Variants in MLANA observed in about 807,000 individuals in gnomAD.
MLANA encodes melanoma antigen recognized by T-cells 1.
Under a neutral mutation model 15.7 loss-of-function variants are expected in MLANA, and 21 were observed. That is an observed-to-expected ratio of 1.33 (90% CI 0.95 to 1.92). MLANA has a LOEUF of 1.92. Among genes scored for constraint, MLANA ranks in the 40% most tolerant of loss-of-function variants. MLANA has a pLI of 0.00. For missense variants in MLANA, 164 were observed against 143.8 expected (o/e 1.14, Z -0.72); for synonymous variants, 56 against 51.5 (o/e 1.09, Z -0.37).
intron 1 of MLANA, among the ~76,000 whole-genome samples, chr9:5,892,019 C>T (rs2244058): frequency 0.96 from 145,803 of 152,354 alleles, 70,101 homozygotes; most frequent in Non-Finnish European, 0.99. Flanking sequence ...TGATATCCAA[C>T]AATAACTTTG....
Position 5,910,352 on chromosome 9 carries a change from C to T in MLANA, c.*1644C>T, listed in dbSNP as rs1833090503. ...AAACACAGGATAAAGAGATGTATTA[C>T]ACACATCGAAAAAAACAACATTTAA... is the stretch of plus-strand genomic sequence containing the variant. On this transcript the variant is annotated 3_prime_UTR_variant, in exon 5 of 5. Coordinates refer to ENST00000381477, the MANE Select transcript of MLANA (RefSeq NM_005511.2). 1 of 152,154 alleles carries T rather than the reference C, an allele frequency of 6.6e-6. No homozygotes were observed. The highest frequency in any genetic ancestry group is 2.1e-4 in the South Asian group (1 of 4,836). 9.4% of individuals were successfully genotyped at this position (152,154 alleles called of 1,614,324 possible).
chr9:5,894,337 C>G lies in MLANA; in HGVS notation c.77+1786C>G, dbSNP rs769587771. ...AACATAGAGACTTTAATATAAGAAG[C>G]TGGTTAAACAGGCATGGGACTGAGA... On this transcript the variant is annotated intron_variant, in intron 2 of 4. Transcript: ENST00000381477. The surrounding 1 kb of genome is among the most constrained non-coding windows in gnomAD (Gnocchi z 4.0). 6.6e-6 allele frequency among the ~76,000 whole-genome samples: 1 copy of G among 152,048 alleles called. No individual in the cohort carries two copies. Among genetic ancestry groups the G allele is most frequent in the Non-Finnish European group, 1.5e-5 (1 of 68,010 alleles).
chr9:5,897,536 T>C (rs541283959), intron 2 of MLANA, 21 bp from the exon 3 acceptor site: 5 of 1,603,678 alleles, frequency 3.1e-6, no homozygotes, highest in African/African-American at 2.7e-5. Context: ...ACAAAGTGGA[T>C]TTGTCTATCT....
At position 5,892,456 on chromosome 9, in the gene MLANA, T is replaced by G. The variant is rs1336514596; in HGVS notation, c.-19T>G. 1 of 1,609,198 alleles carries G rather than the reference T, an allele frequency of 6.2e-7. No homozygotes were observed. ...CACATGCTCCTTCTGTTAGGTGTCC[T>G]GTGCCCTGACCCTACAAGATGCCAA... On this transcript the variant is annotated 5_prime_UTR_variant, in exon 2 of 5. Transcript: ENST00000381477.
chr9:5,906,327 C>T (rs1255875753), intron 3 of MLANA, among the ~76,000 whole-genome samples: 1 of 87,360 alleles, frequency 1.1e-5, no homozygotes, highest in Non-Finnish European at 2.8e-5. Context: ...GAGACTCTGT[C>T]TCAAAAAAAA....
intron 2 of MLANA, among the ~76,000 whole-genome samples, chr9:5,893,261 G>A (rs139902825): frequency 1.3e-5 from 2 of 152,288 alleles, no homozygotes; most frequent in Non-Finnish European, 2.9e-5. Flanking sequence ...TATGTGCTGG[G>A]AGTGGGAAAG....
intron 4 of MLANA, 44 bp from the exon 5 acceptor site, chr9:5,908,594 CAT>C: frequency 6.7e-7 from 1 of 1,490,684 alleles, no homozygotes; most frequent in Non-Finnish European, 9.4e-7. Context: ...CCTAGAAACA[CAT>C]ACACTGTTGC....
At chr9:5,900,449 A>G (rs757010151) in intron 3 of MLANA, among the ~76,000 whole-genome samples, 31 of 152,356 alleles carry the variant, frequency 2.0e-4, no homozygotes, top group Middle Eastern at 3.4e-3. Flanking sequence ...CAGCAGTCTA[A>G]TAAGTTTAGG....
At chr9:5,905,558 G>T (rs556859584) in intron 3 of MLANA, among the ~76,000 whole-genome samples, 1 of 152,222 alleles carries the variant, frequency 6.6e-6, no homozygotes, top group Non-Finnish European at 1.5e-5. Context: ...AACTGACTCT[G>T]GTATAGCATC....
rs760894442 is a variant in MLANA, at chr9:5,897,621, T to C, written c.142T>C (p.Cys48Arg). 8 of 1,614,122 alleles carry C rather than the reference T, an allele frequency of 5.0e-6. No homozygotes were observed. In the South Asian group the frequency reaches 6.6e-5, roughly 13 times the overall value. The change falls in exon 3 of 5, where the codon TGT (cysteine) becomes CGT (arginine). Residue 48 changes from cysteine (C) to arginine (R), a missense_variant. Physicochemically the swap from Cys to Arg is radical, Grantham distance 180. Transcript: ENST00000381477. ...CTTACTGCTCATCGGCTGTTGGTAT[T>C]GTAGAAGACGAAATGGATACAGAGC... is the stretch of plus-strand genomic sequence containing the variant. ...GVLLLIGCWYCRRRNGYRALM... is the reference protein window; with the variant it reads ...GVLLLIGCWYRRRRNGYRALM...
intron 3 of MLANA, among the ~76,000 whole-genome samples, chr9:5,897,917 A>G (rs950201294): frequency 1.3e-5 from 2 of 152,152 alleles, no homozygotes; most frequent in African/African-American, 4.8e-5. Context: ...TAAATAAATG[A>G]AATTCATTTG....
chr9:5,907,750 C>T (rs1415358466), intron 4 of MLANA, among the ~76,000 whole-genome samples: 1 of 152,138 alleles, frequency 6.6e-6, no homozygotes, highest in African/African-American at 2.4e-5. Context: ...CTCAGGAGCT[C>T]GAGACCAGCC....
In MLANA at chr9:5,900,013, T is replaced by C. The variant is rs571232639; in HGVS notation, c.174+2360T>C. Among the ~76,000 whole-genome samples, 4 of 152,344 alleles carry C rather than the reference T, an allele frequency of 2.6e-5. No homozygotes were observed. The South Asian group carries it at 6.2e-4, about 24-fold the overall frequency. On this transcript the variant is annotated intron_variant, in intron 3 of 4. Coordinates refer to ENST00000381477, the MANE Select transcript of MLANA (RefSeq NM_005511.2). Reference sequence around the variant, plus strand: ...TATTTTCTTCTATATTTTGATTTCATTATATATTTGTATATCAAAAACAAA... The same window carrying C: ...TATTTTCTTCTATATTTTGATTTCACTATATATTTGTATATCAAAAACAAA...
intron 2 of MLANA, 75 bp downstream of exon 2, chr9:5,892,626 C>T (rs943886008): frequency 2.5e-5 from 30 of 1,184,314 alleles, no homozygotes; most frequent in African/African-American, 4.7e-5. Context: ...TCCACCAGTA[C>T]ATGCCTGCTC....
At chr9:5,907,491 TATC>T (rs1250726494) in intron 4 of MLANA, among the ~76,000 whole-genome samples, 2 of 152,204 alleles carry the variant, frequency 1.3e-5, no homozygotes, top group East Asian at 1.9e-4. Flanking sequence ...TTATAATACA[TATC>T]ATATTTCAAA....
At chr9:5,904,430 TTA>T (rs1832661971) in intron 3 of MLANA, among the ~76,000 whole-genome samples, 1 of 152,206 alleles carries the variant, frequency 6.6e-6, no homozygotes, top group Non-Finnish European at 1.5e-5. Context: ...ACTGGACATT[TTA>T]TATGATTCCA....
chr9:5,899,152 A>G (rs1832245998), intron 3 of MLANA: 1 of 152,168 alleles, frequency 6.6e-6, no homozygotes, highest in Admixed American at 6.5e-5. Flanking sequence ...TACAGATCTG[A>G]AAGCTTTTCA....
At chr9:5,891,024 T>G (rs1165401695) in intron 1 of MLANA, 88 bp downstream of exon 1, 1 of 152,160 alleles carries the variant, frequency 6.6e-6, no homozygotes, top group African/African-American at 2.4e-5. Context: ...CTGCCTACCC[T>G]CATTGCCCCG....
chr9:5,900,402 G>A (rs767085081), intron 3 of MLANA, among the ~76,000 whole-genome samples: 3 of 152,122 alleles, frequency 2.0e-5, no homozygotes, highest in South Asian at 2.1e-4. Context: ...ATCTTATTTT[G>A]AGATTTTCAT....
Sources: gnomAD v4.1 joint callset for allele counts (sites outside exome capture counted in the v4.1 genomes callset) on GRCh38, gnomAD v4.1.1 for gene constraint, Gnocchi (gnomAD v3.1) non-coding constraint, MANE v1.5 for transcripts, NCBI Gene and HGNC (gene_info 2026-07-23, HGNC 2026-07-21) for gene names.